KRT32: variants seen among roughly 807,000 people sequenced by gnomAD.
KRT32 encodes the protein keratin 32.
KRT32 carries 44 observed loss-of-function variants against 41.8 expected under a neutral mutation model. The observed-to-expected ratio is 1.05, with a 90% confidence interval of 0.83 to 1.35. The LOEUF is 1.35. KRT32 is among the 40% of genes most tolerant of loss of function. KRT32 has a pLI of 0.00. For missense variants in KRT32, 576 were observed against 584.6 expected (o/e 0.99, Z 0.15); for synonymous variants, 238 against 242.5 (o/e 0.98, Z 0.17).
intron 5 of KRT32, among the ~76,000 whole-genome samples, 157 bp downstream of exon 5, chr17:41,463,921 G>A (rs1255492016): frequency 6.6e-6 from 1 of 152,170 alleles, no homozygotes; most frequent in Non-Finnish European, 1.5e-5. Flanking sequence ...TCTCTGAGCT[G>A]GATCTCGGGA....
chr17:41,462,731 T>C (rs1166719379), intron 6 of KRT32, 99 bp downstream of exon 6: 2 of 1,313,832 alleles, frequency 1.5e-6, no homozygotes, highest in East Asian at 4.8e-5. Context: ...CAGGACAGGG[T>C]TCTAAGCTGA....
intron 6 of KRT32, 110 bp from the exon 7 acceptor site, chr17:41,460,349 T>C: frequency 7.4e-7 from 1 of 1,355,654 alleles, no homozygotes; most frequent in Non-Finnish European, 1.0e-6. Context: ...CCGTGCTTTC[T>C]CTGCCCAGCC....
In KRT32 at chr17:41,466,134, T is replaced by C. The variant is rs1273036675; in HGVS notation, c.511A>G (p.Ile171Val). ...TCGGCAGCCAGTTTGGCATTATCAA[T>C]GTTCACAACCATCCTGGCATTCTCT... is the stretch of plus-strand genomic sequence containing the variant. ...KAENARMVVN[I>V]DNAKLAADDF... Residue 171 changes from isoleucine (I) to valine (V), a missense_variant, in exon 2 of 7, where the codon ATT becomes GTT. Ile to Val is a conservative substitution (Grantham distance 29). Coordinates refer to ENST00000225899, the MANE Select transcript of KRT32 (RefSeq NM_002278.3). 4 of 1,614,176 alleles carry C rather than the reference T, an allele frequency of 2.5e-6. No homozygotes were observed. The South Asian group carries it at 3.3e-5, about 13-fold the overall frequency.
Position 41,462,901 on chromosome 17 carries a change from C to T in KRT32, c.1146G>A (p.Leu382=). Residue 382 remains leucine (L), a synonymous_variant, in exon 6 of 7, where the codon CTG becomes CTA. Coordinates refer to ENST00000225899, the MANE Select transcript of KRT32 (RefSeq NM_002278.3). ...LERQNQEYQV[L]LDVRARLEGE... is the part of the protein sequence containing the mutation. ...CCTCCAGCCGGGCCCGGACGTCCAG[C>T]AGCACCTGGTACTCCTGGTTCTGCC... The T allele has an allele frequency of 6.2e-7, 1 of 1,613,974 alleles. No individual in the cohort carries two copies. The highest frequency in any genetic ancestry group is 8.5e-7 in the Non-Finnish European group (1 of 1,179,964).
chr17:41,460,861 G>A (rs1156403035), intron 6 of KRT32, among the ~76,000 whole-genome samples: 1 of 152,114 alleles, frequency 6.6e-6, no homozygotes, highest in African/African-American at 2.4e-5. Context: ...AGAAGTTAAA[G>A]TAAAATAAAA....
At chr17:41,463,291 A>G (rs887362725) in intron 5 of KRT32, among the ~76,000 whole-genome samples, 5 of 152,312 alleles carry the variant, frequency 3.3e-5, no homozygotes, top group African/African-American at 1.2e-4. Context: ...TTCTTCTGCA[A>G]CCTTTGTCTG....
At chr17:41,461,185 C>T (rs963235791) in intron 6 of KRT32, among the ~76,000 whole-genome samples, 6 of 152,306 alleles carry the variant, frequency 3.9e-5, no homozygotes, top group African/African-American at 1.2e-4. Context: ...CTCCTTTCAT[C>T]GTGAGTAGTA....
rs781593866 is a variant in KRT32, at chr17:41,460,206, G to A, written c.1251C>T (p.Cys417=). The change falls in exon 7 of 7, where the codon TGC becomes TGT. Residue 417 remains cysteine (C), a synonymous_variant. Transcript: ENST00000225899. ...LPCNPCSTPS[C]TTCVPSPCVP... is the part of the protein sequence containing the mutation. ...CGCATGGGGAGGGCACACAGGTGGT[G>A]CAGGAAGGAGTGGAGCATGGGTTAC... 4 of 1,609,378 alleles carry A rather than the reference G, an allele frequency of 2.5e-6. No homozygotes were observed. The highest frequency in any genetic ancestry group is 3.4e-6 in the Non-Finnish European group (4 of 1,177,754).
chr17:41,465,840 G>C lies in KRT32; in HGVS notation c.641C>G (p.Ala214Gly), dbSNP rs746820307. The C allele has an allele frequency of 1.9e-6, 3 of 1,614,018 alleles. No homozygotes were observed. The highest frequency in any genetic ancestry group is 1.7e-6 in the Non-Finnish European group (2 of 1,179,956). ...RILDDLTLCK[A>G]DLEAQVESLK... ...GGACTCAACCTGGGCCTCCAGGTCA[G>C]CCTTGCACAGAGTGAGATCATCCAG... The change falls in exon 3 of 7, where the codon GCT becomes GGT. Residue 214 changes from alanine to glycine, a missense_variant. Transcript: ENST00000225899.
Position 41,466,106 on chromosome 17 carries a change from T to A in KRT32, c.539A>T (p.Asp180Val). 1 of 1,614,198 alleles carries A rather than the reference T, an allele frequency of 6.2e-7. No homozygotes were observed. The highest frequency in any genetic ancestry group is 8.5e-7 in the Non-Finnish European group (1 of 1,180,030). Reference sequence around the variant, plus strand: ...CGACTGAACTCACTTGGCCCTGAAGTCATCGGCAGCCAGTTTGGCATTATC... The same window carrying A: ...CGACTGAACTCACTTGGCCCTGAAGACATCGGCAGCCAGTTTGGCATTATC... ...NIDNAKLAAD[D>V]FRAKYEAELA... is the part of the protein sequence containing the mutation. Residue 180 changes from aspartate (D) to valine (V), a missense_variant, in exon 2 of 7, where the codon GAC (aspartate) becomes GTC (valine). Asp to Val is a radical substitution (Grantham distance 152). Transcript: ENST00000225899.
rs748808076 is a variant in KRT32 at position 41,460,241 on chromosome 17, T to G, written c.1218-2A>C. Reference sequence around the variant, plus strand: ...GTGGAGCATGGGTTACAGGGCAGCCTGCAGGAGAAAGTCAAAGAGAAACAG... The same window carrying G: ...GTGGAGCATGGGTTACAGGGCAGCCGGCAGGAGAAAGTCAAAGAGAAACAG... On this transcript the variant is annotated splice_acceptor_variant, in intron 6 of 6. Transcript: ENST00000225899. LOFTEE classifies it high-confidence loss of function. 1 of 1,589,426 alleles carries G rather than the reference T, an allele frequency of 6.3e-7. No individual in the cohort carries two copies. Among genetic ancestry groups the G allele is most frequent in the Admixed American group, 1.8e-5 (1 of 55,988 alleles).
rs770801710 is a variant in KRT32, at chr17:41,467,337, C to T, written c.-12G>A. 6.3e-7 allele frequency: 1 copy of T among 1,582,252 alleles called. No individual in the cohort carries two copies. The highest frequency in any genetic ancestry group is 1.1e-5 in the South Asian group (1 of 88,288). On this transcript the variant is annotated 5_prime_UTR_variant, in exon 1 of 7. Coordinates refer to ENST00000225899, the MANE Select transcript of KRT32 (RefSeq NM_002278.3). ...CAGGAGGATGTCATGTTGGAGAGGC[C>T]CTTTCTCCTCAGCCACAGCTACCTG...
intron 6 of KRT32, among the ~76,000 whole-genome samples, 160 bp downstream of exon 6, chr17:41,462,670 C>T (rs753635921): frequency 2.0e-5 from 3 of 152,228 alleles, no homozygotes; most frequent in Non-Finnish European, 4.4e-5. Flanking sequence ...AGCATGAACA[C>T]CACTGCCTGA....
chr17:41,460,917 G>A (rs544076045), intron 6 of KRT32, among the ~76,000 whole-genome samples: 2 of 152,222 alleles, frequency 1.3e-5, no homozygotes, highest in African/African-American at 4.8e-5. Context: ...GCATGATCCT[G>A]CTCCCACCTC....
intron 3 of KRT32, 52 bp downstream of exon 3, chr17:41,465,721 G>A (rs570984984): frequency 1.8e-5 from 29 of 1,576,844 alleles, no homozygotes; most frequent in African/African-American, 5.4e-5. Context: ...CATACCCCAC[G>A]TTCCTCCCCC....
intron 5 of KRT32, among the ~76,000 whole-genome samples, chr17:41,463,255 C>T (rs536510012): frequency 2.0e-5 from 3 of 152,320 alleles, no homozygotes; most frequent in South Asian, 2.1e-4. Context: ...AGTTTCTGTT[C>T]GTAAATCTGA....
At chr17:41,465,038 A>T (rs945721961) in intron 3 of KRT32, among the ~76,000 whole-genome samples, 13 of 152,202 alleles carry the variant, frequency 8.5e-5, no homozygotes, top group African/African-American at 2.2e-4. Context: ...ATTCAGAGGC[A>T]CTTGTTCATT....
rs548123066 is a variant in KRT32, at chr17:41,462,260, C to A, written c.1217+570G>T. Among the ~76,000 whole-genome samples the A allele has an allele frequency of 2.0e-5, 3 of 152,198 alleles. No individual in the cohort carries two copies. The South Asian group carries it at 6.2e-4, about 32-fold the overall frequency. ...TTAAAGCCCTCCCTTCCCAGTATGACCCGTGTTGTTCTCCATAAATGGGCC... is the reference window on the plus strand; with the variant it reads ...TTAAAGCCCTCCCTTCCCAGTATGAACCGTGTTGTTCTCCATAAATGGGCC... On this transcript the variant is annotated intron_variant, in intron 6 of 6. Transcript: ENST00000225899.
chr17:41,464,391 T>G lies in KRT32; in HGVS notation c.761A>C (p.Asp254Ala), dbSNP rs2019044390. The G allele has an allele frequency of 6.2e-7, 1 of 1,607,240 alleles. No homozygotes were observed. Among genetic ancestry groups the G allele is most frequent in the Admixed American group, 1.7e-5 (1 of 59,248 alleles). Residue 254 changes from aspartate (D) to alanine (A), a missense_variant, in exon 4 of 7, where the codon GAC becomes GCC. Coordinates refer to ENST00000225899, the MANE Select transcript of KRT32 (RefSeq NM_002278.3). ...GGTCAGGTCCACCGGGGGTGCAGCG[T>G]CCACCTCGATGTTAAGGCGGTCCCC... ...QLGDRLNIEV[D>A]AAPPVDLTRV...
Sources: allele counts gnomAD v4.1 joint callset (sites outside exome capture counted in the v4.1 genomes callset), GRCh38; gene constraint gnomAD v4.1.1; transcripts MANE v1.5; gene names NCBI Gene and HGNC (gene_info 2026-07-23, HGNC 2026-07-21).